CYB561A3: variants seen among roughly 807,000 people sequenced by gnomAD.
CYB561A3 encodes cytochrome b561 family member A3, also known as lysosomal membrane ascorbate-dependent ferrireductase CYB561A3.
A neutral mutation model predicts 25.3 loss-of-function variants in CYB561A3; 16 were observed. The ratio of observed to expected loss-of-function variants is 0.63; its 90% CI spans 0.43 to 0.96. The LOEUF (loss-of-function observed/expected upper bound fraction) is 0.96, where lower values mean the gene tolerates loss of function less well. Among genes scored for constraint, CYB561A3 ranks in the 40% least tolerant of loss-of-function variants. CYB561A3 has a pLI of 0.00. For synonymous variants in CYB561A3, 131 were observed against 129.9 expected (o/e 1.01, Z -0.06); for missense variants, 219 against 307.5 (o/e 0.71, Z 2.15).
Position 61,351,149 on chromosome 11 carries a change from T to C in CYB561A3, c.549-2A>G. On this transcript the variant is annotated splice_acceptor_variant, in intron 5 of 6. Coordinates refer to ENST00000294072, the MANE Select transcript of CYB561A3 (RefSeq NM_153611.6). LOFTEE classifies it high-confidence loss of function. ...TGGTATGGCCTGGTGGTGTTTTTCC[T>C]GAAGATGACAAAACAATGTGAGCCC... 1 of 1,606,094 alleles carries C rather than the reference T, an allele frequency of 6.2e-7. No individual in the cohort carries two copies. The highest frequency in any genetic ancestry group is 8.5e-7 in the Non-Finnish European group (1 of 1,176,990).
intron 3 of CYB561A3, chr11:61,356,181 G>T (rs898599715): frequency 9.5e-6 from 2 of 210,238 alleles, no homozygotes; most frequent in Non-Finnish European, 1.9e-5. Context: ...ATTGGAACAC[G>T]TGATCCACAC....
intron 3 of CYB561A3, 149 bp from the exon 4 acceptor site, chr11:61,354,141 C>T: frequency 5.2e-6 from 4 of 766,722 alleles, no homozygotes; most frequent in Non-Finnish European, 8.3e-6. Flanking sequence ...CATCTTCTAC[C>T]CTCCCATGAT....
intron 3 of CYB561A3, chr11:61,354,491 A>G (rs1857560336): frequency 6.0e-6 from 1 of 166,756 alleles, no homozygotes; most frequent in Non-Finnish European, 1.3e-5. Flanking sequence ...AATAAAAAAT[A>G]TTATCCGGGC....
rs1857535807 is a variant in CYB561A3, at chr11:61,353,876, C to T, written c.301G>A (p.Val101Ile). The T allele has an allele frequency of 6.2e-7, 1 of 1,614,156 alleles. No individual in the cohort carries two copies. ...FVLTVVGLVA[V>I]FTFHNHGRTA... ...CTTCCATGGTTGTGAAACGTAAAGACAGCAACCAGCCCCACAACAGTGAGG... is the reference window on the plus strand; with the variant it reads ...CTTCCATGGTTGTGAAACGTAAAGATAGCAACCAGCCCCACAACAGTGAGG... The change falls in exon 4 of 7, where the codon GTC (valine) becomes ATC (isoleucine). Residue 101 changes from valine (V) to isoleucine (I), a missense_variant. Val to Ile is a conservative substitution (Grantham distance 29, BLOSUM62 3). Transcript: ENST00000294072.
chr11:61,356,772 C>A (rs757249515), intron 2 of CYB561A3, 44 bp from the exon 3 acceptor site: 1 of 1,597,696 alleles, frequency 6.3e-7, no homozygotes, highest in South Asian at 1.1e-5. Context: ...CTCAGATGCA[C>A]CCAGTTCTCT....
At chr11:61,356,503 C>A (rs528972385) in intron 3 of CYB561A3, 27 bp downstream of exon 3, 1 of 1,608,164 alleles carries the variant, frequency 6.2e-7, no homozygotes, top group South Asian at 1.1e-5. Context: ...AGCCCTATCC[C>A]GCCTCCCTTC....
intron 6 of CYB561A3, chr11:61,350,723 A>G (rs1206607413): frequency 1.7e-6 from 1 of 592,194 alleles, no homozygotes; most frequent in Non-Finnish European, 2.9e-6. Context: ...GAAGAAGATA[A>G]GGCCACACTT....
chr11:61,353,456 T>G, intron 4 of CYB561A3: 3 of 649,924 alleles, frequency 4.6e-6, no homozygotes, highest in South Asian at 4.6e-5. Flanking sequence ...TGGAAACCAC[T>G]TCAAGAATTC....
At chr11:61,361,639 G>A (rs996869223) in intron 1 of CYB561A3, 94 bp downstream of exon 1, 5 of 152,264 alleles carry the variant, frequency 3.3e-5, no homozygotes, top group African/African-American at 4.8e-5. Flanking sequence ...AATTGAGGCC[G>A]AGCAAGGGGA....
rs554261348 is a variant in CYB561A3, at chr11:61,355,796, A to T, written c.184+734T>A. Among the ~76,000 whole-genome samples, 3 of 152,108 alleles carry T rather than the reference A, an allele frequency of 2.0e-5. No individual in the cohort carries two copies. In the East Asian group the frequency reaches 5.8e-4, roughly 29 times the overall value. ...CTCCTGTTCTCTAGAGCTGGTTAAA[A>T]ACTACAGCTCAGGTCGGGCATGATG... On this transcript the variant is annotated intron_variant, in intron 3 of 6. Transcript: ENST00000294072.
chr11:61,353,457 T>C (rs1025294492), intron 4 of CYB561A3: 13 of 649,548 alleles, frequency 2.0e-5, no homozygotes, highest in Non-Finnish European at 3.4e-5. Context: ...GGAAACCACT[T>C]CAAGAATTCT....
At chr11:61,351,251 G>A in intron 5 of CYB561A3, 104 bp from the exon 6 acceptor site, 1 of 1,223,596 alleles carries the variant, frequency 8.2e-7, no homozygotes, top group Admixed American at 3.3e-5. Flanking sequence ...ACCTTCCCGG[G>A]TCCATATGTG....
intron 1 of CYB561A3, chr11:61,359,968 C>G (rs886425718): frequency 1.3e-5 from 2 of 152,412 alleles, no homozygotes; most frequent in African/African-American, 4.8e-5. Context: ...TTGCAGTGAG[C>G]CAAGATCACG....
At chr11:61,358,138 T>C (rs1434989850) in intron 1 of CYB561A3, 1 of 152,250 alleles carries the variant, frequency 6.6e-6, no homozygotes, top group Non-Finnish European at 1.5e-5. Flanking sequence ...AATTCTTCGC[T>C]GGGCGCGATG....
chr11:61,356,418 C>A, intron 3 of CYB561A3, 112 bp downstream of exon 3: 120 of 672,664 alleles, frequency 1.8e-4, no homozygotes, highest in Non-Finnish European at 2.4e-4. Context: ...CCAACCCACC[C>A]TACCCCCATA....
chr11:61,350,210 G>A lies in CYB561A3; in HGVS notation c.*189C>T, dbSNP rs1322852575. On this transcript the variant is annotated 3_prime_UTR_variant, in exon 7 of 7. Transcript: ENST00000294072. ...AGGGCAGGCCCAGCACCCAGGCAAA[G>A]CCACCAAGGAAAGCAGACAGGCAGC... 4 of 709,416 alleles carry A rather than the reference G, an allele frequency of 5.6e-6. No homozygotes were observed. The East Asian group carries it at 1.1e-4, about 19-fold the overall frequency. The allele number at this position is 709,416 out of a possible 1,614,324, so 43.9% of individuals were successfully genotyped here. A position where few individuals can be genotyped will look rare whatever the true frequency, so the allele number is the denominator to read the frequency against.
chr11:61,361,797 C>A lies in CYB561A3; in HGVS notation c.-176G>T, dbSNP rs1271674860. On this transcript the variant is annotated 5_prime_UTR_variant, in exon 1 of 7. Transcript: ENST00000294072. ...GAACCCGCCTCTCGCTACCAGGCGCCGGAGCTGCCGCTCCCGAGGTTCCTA... is the reference window on the plus strand; with the variant it reads ...GAACCCGCCTCTCGCTACCAGGCGCAGGAGCTGCCGCTCCCGAGGTTCCTA... 1 of 152,270 alleles carries A rather than the reference C, an allele frequency of 6.6e-6. No individual in the cohort carries two copies. The highest frequency in any genetic ancestry group is 1.5e-5 in the Non-Finnish European group (1 of 68,104). 9.4% of individuals were successfully genotyped at this position (152,270 alleles called of 1,614,324 possible). A position where few individuals can be genotyped will look rare whatever the true frequency, so the allele number is the denominator to read the frequency against.
chr11:61,353,118 A>C lies in CYB561A3; in HGVS notation c.415T>G (p.Phe139Val), dbSNP rs1450137440. The change falls in exon 5 of 7, where the codon TTC becomes GTC. Residue 139 changes from phenylalanine to valine, a missense_variant. Physicochemically the swap from Phe to Val is conservative, Grantham distance 50. Coordinates refer to ENST00000294072, the MANE Select transcript of CYB561A3 (RefSeq NM_153611.6). ...ACQWFLGFAV[F>V]LLPWASMWLR... The stretch of plus-strand genomic sequence containing the variant: ...CACATGGACGCCCAGGGCAGGAGGA[A>C]GACAGCAAAGCCCAGGAACCACTGT... 6.2e-7 allele frequency: 1 copy of C among 1,611,046 alleles called. No homozygotes were observed. The highest frequency in any genetic ancestry group is 1.3e-5 in the African/African-American group (1 of 74,670).
chr11:61,357,158 A>C (rs1426006324), intron 2 of CYB561A3: 1 of 1,549,968 alleles, frequency 6.5e-7, no homozygotes, highest in Non-Finnish European at 8.7e-7. Flanking sequence ...CTAAGATAAG[A>C]AGGCAAAAAT....
Sources: allele counts gnomAD v4.1 joint callset (sites outside exome capture counted in the v4.1 genomes callset), GRCh38; gene constraint gnomAD v4.1.1; transcripts MANE v1.5; gene names NCBI Gene and HGNC (gene_info 2026-07-23, HGNC 2026-07-21).